Variants in GALM observed in about 807,000 individuals in gnomAD.
The protein encoded by GALM is galactose mutarotase, also known as aldose 1-epimerase.
A neutral mutation model predicts 37.4 loss-of-function variants in GALM; 43 were observed. The ratio of observed to expected loss-of-function variants is 1.15; its 90% CI spans 0.90 to 1.48. The LOEUF (loss-of-function observed/expected upper bound fraction) is 1.48, where lower values mean the gene tolerates loss of function less well. GALM is among the 40% of genes most tolerant of loss of function. GALM has a pLI of 0.00. For synonymous variants in GALM, 199 were observed against 170.6 expected (o/e 1.17, Z -1.30); for missense variants, 456 against 419.1 (o/e 1.09, Z -0.77).
chr2:38,680,280 C>A (rs970783986), intron 2 of GALM: 5 of 234,166 alleles, frequency 2.1e-5, no homozygotes, highest in Non-Finnish European at 3.4e-5. Flanking sequence ...CCTCAGCCTC[C>A]CAAAGTGTTG....
In GALM at chr2:38,695,604, A is replaced by T. The variant is rs1390736064; in HGVS notation, c.634+5710A>T. ...GCATATGAATGACTTTTACTGCGTA[A>T]ATCAGTTATTTTGCTTACCATCCTA... On this transcript the variant is annotated intron_variant, in intron 4 of 6. Transcript: ENST00000272252. Among the ~76,000 whole-genome samples, 5 of 152,156 alleles carry T rather than the reference A, an allele frequency of 3.3e-5. No individual in the cohort carries two copies. The East Asian group carries it at 9.6e-4, about 29-fold the overall frequency.
At chr2:38,696,005 T>C (rs1012032098) in intron 4 of GALM, among the ~76,000 whole-genome samples, 4 of 151,582 alleles carry the variant, frequency 2.6e-5, no homozygotes, top group African/African-American at 9.7e-5. Context: ...CGCCTGCGTG[T>C]TTGTTTTTTA....
At chr2:38,697,675 TC>T (rs1423581300) in intron 4 of GALM, among the ~76,000 whole-genome samples, 3 of 152,156 alleles carry the variant, frequency 2.0e-5, no homozygotes, top group Non-Finnish European at 4.4e-5. Flanking sequence ...AAGGGGACCT[TC>T]CCCCTGTAGG....
At chr2:38,677,823 T>C (rs1008273333) in intron 2 of GALM, among the ~76,000 whole-genome samples, 9 of 151,944 alleles carry the variant, frequency 5.9e-5, no homozygotes, top group Non-Finnish European at 1.2e-4. Context: ...ACATGATAAC[T>C]GTTAAAGGCG....
chr2:38,687,162 G>T (rs988660040), intron 3 of GALM, among the ~76,000 whole-genome samples: 1 of 152,194 alleles, frequency 6.6e-6, no homozygotes, highest in East Asian at 1.9e-4. Flanking sequence ...AGTCCCAGGG[G>T]CATCTCCAGG....
Position 38,729,711 on chromosome 2 carries a change from C to A in GALM, c.776+14C>A. On this transcript the variant is annotated intron_variant, in intron 5 of 6. Transcript: ENST00000272252. ...TTTTTGTGCAAGGTCAGGTACTTTT[C>A]ACTTCCTGAGTCTGTAAGGAAGAAA... 6.2e-7 allele frequency: 1 copy of A among 1,604,940 alleles called. No individual in the cohort carries two copies. Among genetic ancestry groups the A allele is most frequent in the Non-Finnish European group, 8.5e-7 (1 of 1,173,284 alleles).
At chr2:38,712,457 A>G (rs1666190968) in intron 4 of GALM, among the ~76,000 whole-genome samples, 1 of 152,222 alleles carries the variant, frequency 6.6e-6, no homozygotes, top group Non-Finnish European at 1.5e-5. Context: ...TCAGGTCTCC[A>G]TTCCAGAATC....
At chr2:38,705,111 G>A (rs1269046808) in intron 4 of GALM, among the ~76,000 whole-genome samples, 1 of 152,208 alleles carries the variant, frequency 6.6e-6, no homozygotes, top group Non-Finnish European at 1.5e-5. Flanking sequence ...TTTGTCAGAA[G>A]GGGAATTATT....
At chr2:38,722,030 T>TTCCCC (rs1666385953) in intron 4 of GALM, among the ~76,000 whole-genome samples, 4 of 41,386 alleles carry the variant, frequency 9.7e-5, no homozygotes, top group Non-Finnish European at 1.2e-4. Flanking sequence ...TGCCTTCCCT[T>TTCCCC]CCCCCCCCCA....
chr2:38,727,850 A>C (rs1236341032), intron 4 of GALM, among the ~76,000 whole-genome samples: 2 of 152,126 alleles, frequency 1.3e-5, no homozygotes, highest in East Asian at 3.8e-4. Context: ...ATGACTGGCA[A>C]TTGGTTCTTC....
chr2:38,684,508 C>G (rs539938068), intron 3 of GALM, among the ~76,000 whole-genome samples: 1 of 151,918 alleles, frequency 6.6e-6, no homozygotes, highest in Non-Finnish European at 1.5e-5. Context: ...TCCCCCATCT[C>G]TAAAAACAAA....
intron 3 of GALM, among the ~76,000 whole-genome samples, chr2:38,688,949 T>C (rs1264910664): frequency 6.6e-6 from 1 of 152,166 alleles, no homozygotes; most frequent in East Asian, 1.9e-4. Context: ...GCCTCCTGAG[T>C]AGCTGAGATT....
chr2:38,730,176 T>G (rs1666573802), intron 5 of GALM, among the ~76,000 whole-genome samples: 1 of 152,242 alleles, frequency 6.6e-6, no homozygotes, highest in Non-Finnish European at 1.5e-5. Context: ...TCATGCCATT[T>G]CATCTTTGTG....
At chr2:38,723,571 T>G (rs1410419081) in intron 4 of GALM, among the ~76,000 whole-genome samples, 3 of 152,114 alleles carry the variant, frequency 2.0e-5, no homozygotes, top group Admixed American at 2.0e-4. Context: ...GGAGGATCAC[T>G]TGAAGCCAGG....
In GALM at chr2:38,675,293, G is replaced by T. The variant is rs1261382917; in HGVS notation, c.191-619G>T. On this transcript the variant is annotated intron_variant, in intron 1 of 6. Coordinates refer to ENST00000272252, the MANE Select transcript of GALM (RefSeq NM_138801.3). ...AATATTAGCAGTGGCTCTCTCGAGT[G>T]ATGAGATGAAGGATAATTTCAGTTT... 2.0e-5 allele frequency among the ~76,000 whole-genome samples: 3 copies of T among 152,086 alleles called. No individual in the cohort carries two copies. The East Asian group carries it at 5.8e-4, about 29-fold the overall frequency.
chr2:38,724,698 CTTT>C (rs1312336267), intron 4 of GALM, among the ~76,000 whole-genome samples: 8 of 152,130 alleles, frequency 5.3e-5, no homozygotes, highest in African/African-American at 1.7e-4. Flanking sequence ...GTCAGGGCTT[CTTT>C]GTCATGCTTA....
At position 38,733,374 on chromosome 2, in the gene GALM, C is replaced by G. The variant is rs933217845; in HGVS notation, c.952-114C>G. 4 of 841,722 alleles carry G rather than the reference C, an allele frequency of 4.8e-6. No individual in the cohort carries two copies. In the East Asian group the frequency reaches 9.7e-5, roughly 21 times the overall value. The allele number at this position is 841,722 out of a possible 1,614,324, so 52.1% of individuals were successfully genotyped here. A position where few individuals can be genotyped will look rare whatever the true frequency, so the allele number is the denominator to read the frequency against. On this transcript the variant is annotated intron_variant, in intron 6 of 6. Transcript: ENST00000272252. The stretch of plus-strand genomic sequence containing the variant: ...ATGAACCAATCATAAACAGTTCCCG[C>G]ACTGGCAGCCATCCACAGAGCACTG...
In GALM at chr2:38,700,929, ATAGTAAT is replaced by A. The variant is rs1324651081; in HGVS notation, c.634+11038_634+11044del. 9.9e-5 allele frequency among the ~76,000 whole-genome samples: 15 copies of A among 151,850 alleles called. No individual in the cohort carries two copies. In the Middle Eastern group the frequency reaches 0.02, roughly 207 times the overall value. On this transcript the variant is annotated intron_variant, in intron 4 of 6. Coordinates refer to ENST00000272252, the MANE Select transcript of GALM (RefSeq NM_138801.3). Reference sequence around the variant, plus strand: ...TTTTCTACTTTTTTGTGTTTTCTTGATAGTAATTATCATTTCACTTCCAGATGTGGGA... The same window carrying A: ...TTTTCTACTTTTTTGTGTTTTCTTGATATCATTTCACTTCCAGATGTGGGA...
rs192789949 is a variant in GALM, at chr2:38,718,241, C to G, written c.635-11315C>G. Among the ~76,000 whole-genome samples, 326 of 148,550 alleles carry G rather than the reference C, an allele frequency of 2.2e-3. 2 individuals carry two copies. The highest frequency in any genetic ancestry group is 7.7e-3 in the African/African-American group (313 of 40,396). On this transcript the variant is annotated intron_variant, in intron 4 of 6. Transcript: ENST00000272252. ...TTGAGATGGAATCTCCCTCTCTCGC[C>G]CAGGCTGGAGGGCAGTGGCGCAATC...
Sources: gnomAD v4.1 joint callset for allele counts (sites outside exome capture counted in the v4.1 genomes callset) on GRCh38, gnomAD v4.1.1 for gene constraint, MANE v1.5 for transcripts, NCBI Gene and HGNC (gene_info 2026-07-23, HGNC 2026-07-21) for gene names.